COP1: variants seen among roughly 807,000 people sequenced by gnomAD.
COP1 encodes the protein COP1 E3 ubiquitin ligase.
Under a neutral mutation model 101.3 loss-of-function variants are expected in COP1, and 24 were observed. That is an observed-to-expected ratio of 0.24 (90% CI 0.17 to 0.33). COP1 has a LOEUF of 0.33. Ranked by LOEUF, COP1 falls within the 10% of genes least tolerant of loss-of-function variation. COP1 has a pLI of 1.00. For synonymous variants in COP1, 347 were observed against 341.9 expected, an observed-to-expected ratio of 1.01 and a Z score of -0.17; for missense variants, 663 against 906.2, an observed-to-expected ratio of 0.73 and a Z score of 3.45.
At chr1:176,085,116 T>C (rs909949395) in intron 10 of COP1, among the ~76,000 whole-genome samples, 64 of 152,174 alleles carry the variant, frequency 4.2e-4, no homozygotes, top group Non-Finnish European at 7.9e-4. Flanking sequence ...TCCACATCTT[T>C]GCATATGTTA....
intron 11 of COP1, among the ~76,000 whole-genome samples, chr1:176,048,195 C>CTTTTTT (rs10680105): frequency 3.2e-5 from 4 of 126,620 alleles, no homozygotes; most frequent in Admixed American, 1.7e-4. Flanking sequence ...AATTAAAATT[C>CTTTTTT]TTTTTTTTTT....
chr1:176,192,589 C>A (rs1269442590), intron 1 of COP1, among the ~76,000 whole-genome samples: 3 of 152,108 alleles, frequency 2.0e-5, no homozygotes, highest in Non-Finnish European at 4.4e-5. Flanking sequence ...CAAGCCAATT[C>A]CAGTAAGATG....
intron 18 of COP1, among the ~76,000 whole-genome samples, chr1:175,958,508 A>G (rs1650951104): frequency 6.6e-6 from 1 of 152,004 alleles, no homozygotes; most frequent in African/African-American, 2.4e-5. Flanking sequence ...TTTTATATAT[A>G]AACCTTGCTA....
intron 3 of COP1, among the ~76,000 whole-genome samples, chr1:176,164,626 C>T (rs1019287733): frequency 7.2e-5 from 11 of 152,100 alleles, no homozygotes; most frequent in African/African-American, 2.7e-4. Flanking sequence ...CATCTTGCAA[C>T]CTCAAGAATA....
chr1:175,965,137 C>T (rs1651847435), intron 18 of COP1, among the ~76,000 whole-genome samples: 2 of 151,948 alleles, frequency 1.3e-5, no homozygotes, highest in Admixed American at 6.6e-5. Context: ...ATTTGTACTG[C>T]AATTGCATCC....
chr1:175,956,708 T>C (rs894879172), intron 18 of COP1, among the ~76,000 whole-genome samples: 2 of 152,306 alleles, frequency 1.3e-5, no homozygotes, highest in African/African-American at 4.8e-5. Flanking sequence ...ACATATATGA[T>C]GGTGGTCCAA....
intron 15 of COP1, among the ~76,000 whole-genome samples, chr1:175,991,038 C>T (rs1658308469): frequency 6.6e-6 from 1 of 151,926 alleles, no homozygotes; most frequent in Non-Finnish European, 1.5e-5. Context: ...TTTTGGAGTG[C>T]CAACATTTCA....
chr1:176,091,587 A>G (rs771293349), intron 9 of COP1, among the ~76,000 whole-genome samples: 9 of 152,176 alleles, frequency 5.9e-5, no homozygotes, highest in Non-Finnish European at 8.8e-5. Context: ...TGCATTCTGG[A>G]GCTCTTGTAT....
intron 5 of COP1, among the ~76,000 whole-genome samples, chr1:176,158,553 T>C (rs994760673): frequency 3.3e-5 from 5 of 151,730 alleles, no homozygotes; most frequent in Non-Finnish European, 7.4e-5. Context: ...ATATAACACA[T>C]TTAGAAGTAA....
chr1:176,189,564 C>A (rs1262964478), intron 1 of COP1, among the ~76,000 whole-genome samples: 4 of 151,910 alleles, frequency 2.6e-5, no homozygotes, highest in African/African-American at 7.2e-5. Context: ...TTGCTGCCCA[C>A]AGACCTGTAC....
At chr1:176,156,434 C>T (rs193290375) in intron 5 of COP1, among the ~76,000 whole-genome samples, 2 of 151,680 alleles carry the variant, frequency 1.3e-5, no homozygotes, top group Admixed American at 6.6e-5. Flanking sequence ...AGACTCAAAC[C>T]GAACTATATC....
intron 8 of COP1, among the ~76,000 whole-genome samples, chr1:176,121,590 T>C (rs1471835728): frequency 2.0e-5 from 3 of 152,122 alleles, no homozygotes; most frequent in Admixed American, 2.0e-4. Context: ...ATTCCACAGC[T>C]GGAATACTAC....
intron 11 of COP1, among the ~76,000 whole-genome samples, chr1:176,071,072 T>C (rs1453356056): frequency 6.6e-6 from 1 of 152,188 alleles, no homozygotes; most frequent in Non-Finnish European, 1.5e-5. Context: ...TGCCCAAATC[T>C]CATATTGAAC....
Position 176,046,169 on chromosome 1 carries a change from T to C in COP1, c.1421+12A>G. The C allele has an allele frequency of 1.9e-6, 3 of 1,590,658 alleles. No individual in the cohort carries two copies. The African/African-American group carries it at 4.1e-5, about 22-fold the overall frequency. ...TCTATACTGCATCATGTCAAGAAAA[T>C]AATGTAAATACCTGATTTTCGAATT... On this transcript the variant is annotated intron_variant, in intron 12 of 19. Coordinates refer to ENST00000367669, the MANE Select transcript of COP1 (RefSeq NM_022457.7).
intron 14 of COP1, among the ~76,000 whole-genome samples, chr1:176,030,488 GAAAAAA>G (rs1162513407): frequency 6.6e-6 from 1 of 152,114 alleles, no homozygotes; most frequent in Admixed American, 6.5e-5. Context: ...ATATAAGTGA[GAAAAAA>G]ACAGTACTGA....
intron 1 of COP1, among the ~76,000 whole-genome samples, chr1:176,205,239 G>C (rs1700708340): frequency 6.6e-6 from 1 of 152,162 alleles, no homozygotes; most frequent in Non-Finnish European, 1.5e-5. Flanking sequence ...CGACTGTGTA[G>C]AAGTGCAAAC....
chr1:176,184,701 A>G lies in COP1; in HGVS notation c.408-9T>C. ...TATCAAAGCAGATGGGGCTAAAAAG[A>G]AAAGAAAAATAATTGATTTTTTTTT... On this transcript the variant is annotated splice_polypyrimidine_tract_variant and intron_variant, in intron 1 of 19. Coordinates refer to ENST00000367669, the MANE Select transcript of COP1 (RefSeq NM_022457.7). 1 of 1,595,138 alleles carries G rather than the reference A, an allele frequency of 6.3e-7. No individual in the cohort carries two copies. Among genetic ancestry groups the G allele is most frequent in the South Asian group, 1.1e-5 (1 of 87,334 alleles).
chr1:175,986,797 G>T, intron 18 of COP1, 146 bp downstream of exon 18: 1 of 571,460 alleles, frequency 1.7e-6, no homozygotes, highest in Non-Finnish European at 3.0e-6. Flanking sequence ...TACCTAAAAT[G>T]CCTATTGTCT....
chr1:175,969,100 T>TA (rs1211760923), intron 18 of COP1, among the ~76,000 whole-genome samples: 2 of 152,248 alleles, frequency 1.3e-5, no homozygotes, highest in Non-Finnish European at 2.9e-5. Context: ...AATTCAGTAC[T>TA]ATTTGGGGAA....
Sources: gnomAD v4.1 joint callset for allele counts (sites outside exome capture counted in the v4.1 genomes callset) on GRCh38, gnomAD v4.1.1 for gene constraint, MANE v1.5 for transcripts, NCBI Gene and HGNC (gene_info 2026-07-23, HGNC 2026-07-21) for gene names.